PLCB4: variants seen among roughly 807,000 people sequenced by gnomAD.
PLCB4 encodes the protein 1-phosphatidylinositol 4,5-bisphosphate phosphodiesterase beta-4.
PLCB4 carries 77 observed loss-of-function variants against 178.8 expected under a neutral mutation model. The ratio of observed to expected loss-of-function variants is 0.43; its 90% CI spans 0.36 to 0.52. The LOEUF (loss-of-function observed/expected upper bound fraction) is 0.52. Among genes scored for constraint, PLCB4 ranks in the 20% least tolerant of loss-of-function variants. PLCB4 has a pLI of 0.00. For synonymous variants in PLCB4, 496 were observed against 490.8 expected (o/e 1.01, Z -0.14); for missense variants, 1,024 against 1,453.4 (o/e 0.70, Z 4.80).
At chr20:9,346,707 C>G (rs1452383013) in intron 7 of PLCB4, among the ~76,000 whole-genome samples, 1 of 152,164 alleles carries the variant, frequency 6.6e-6, no homozygotes, top group South Asian at 2.1e-4. Flanking sequence ...GAGTGCAGAG[C>G]TGTGAATCAG....
intron 2 of PLCB4, among the ~76,000 whole-genome samples, chr20:9,195,422 A>G (rs2093459615): frequency 6.6e-6 from 1 of 152,226 alleles, no homozygotes; most frequent in Admixed American, 6.5e-5. Flanking sequence ...TGTGTCTGTA[A>G]GGATGTTTCT....
chr20:9,347,156 G>A (rs554575095), intron 7 of PLCB4, among the ~76,000 whole-genome samples: 2 of 152,234 alleles, frequency 1.3e-5, no homozygotes, highest in Non-Finnish European at 2.9e-5. Flanking sequence ...AACATGTCAG[G>A]CAAAGACAAA....
intron 2 of PLCB4, among the ~76,000 whole-genome samples, chr20:9,116,386 A>G (rs568747447): frequency 1.3e-5 from 2 of 152,284 alleles, no homozygotes; most frequent in South Asian, 4.1e-4. Flanking sequence ...TTGTGCATGT[A>G]CATAGATACA....
chr20:9,140,656 T>C (rs2092470540), intron 2 of PLCB4, among the ~76,000 whole-genome samples: 1 of 151,872 alleles, frequency 6.6e-6, no homozygotes. Flanking sequence ...TGAGAGCTGG[T>C]GGTTTAAAAG....
At chr20:9,203,583 T>C (rs970753875) in intron 2 of PLCB4, among the ~76,000 whole-genome samples, 1 of 152,092 alleles carries the variant, frequency 6.6e-6, no homozygotes, top group Non-Finnish European at 1.5e-5. Flanking sequence ...TCACTCCAGG[T>C]TTCAGGAATG....
intron 25 of PLCB4, among the ~76,000 whole-genome samples, chr20:9,414,186 A>G (rs731177): frequency 0.034 from 5,204 of 152,354 alleles, 302 homozygotes; most frequent in African/African-American, 0.12. Flanking sequence ...TCACCAGAAA[A>G]GCTGAAAAAT....
intron 2 of PLCB4, among the ~76,000 whole-genome samples, chr20:9,115,141 TA>T (rs1362871309): frequency 6.6e-6 from 1 of 152,152 alleles, no homozygotes; most frequent in African/African-American, 2.4e-5. Context: ...TTTTAATAAG[TA>T]AACCTTATTC....
chr20:9,280,465 G>A, intron 3 of PLCB4: 8 of 984,066 alleles, frequency 8.1e-6, no homozygotes, highest in Non-Finnish European at 9.7e-6. Context: ...GAAGGGAAGG[G>A]AAAAAAAGGA....
At chr20:9,410,987 CTT>C in intron 24 of PLCB4, 48 bp from the exon 25 acceptor site, 1 of 1,397,940 alleles carries the variant, frequency 7.2e-7, no homozygotes. Flanking sequence ...CCGTCAGGGT[CTT>C]TTTTGTCTAG....
chr20:9,353,291 C>G (rs537339871), intron 7 of PLCB4, among the ~76,000 whole-genome samples: 14 of 152,286 alleles, frequency 9.2e-5, no homozygotes, highest in African/African-American at 3.4e-4. Flanking sequence ...AAAGTCTTCA[C>G]TGTCTTTTTT....
At chr20:9,153,498 C>A (rs1337970719) in intron 2 of PLCB4, among the ~76,000 whole-genome samples, 1 of 152,128 alleles carries the variant, frequency 6.6e-6, no homozygotes, top group Non-Finnish European at 1.5e-5. Context: ...TTGCTGCTGC[C>A]ATGTAAGAAG....
intron 2 of PLCB4, among the ~76,000 whole-genome samples, chr20:9,195,584 A>G (rs139307083): frequency 3.3e-5 from 5 of 152,142 alleles, no homozygotes; most frequent in Non-Finnish European, 7.3e-5. Flanking sequence ...TTAGACATCC[A>G]TCATCTCCTG....
At chr20:9,202,888 G>T (rs1375339154) in intron 2 of PLCB4, among the ~76,000 whole-genome samples, 1 of 151,680 alleles carries the variant, frequency 6.6e-6, no homozygotes, top group Non-Finnish European at 1.5e-5. Context: ...CAGCAGCTGT[G>T]TTCTGGGTCA....
intron 12 of PLCB4, among the ~76,000 whole-genome samples, chr20:9,375,351 A>G (rs1267665868): frequency 2.0e-5 from 3 of 152,190 alleles, no homozygotes; most frequent in African/African-American, 7.2e-5. Flanking sequence ...ATTGGAATGT[A>G]AGGGTCAATT....
intron 3 of PLCB4, among the ~76,000 whole-genome samples, chr20:9,230,945 T>C (rs1387602691): frequency 1.3e-5 from 2 of 152,170 alleles, no homozygotes; most frequent in Non-Finnish European, 2.9e-5. Flanking sequence ...CAAGGATTAT[T>C]TGACTGTCAA....
In PLCB4 at chr20:9,389,977, C is replaced by T. The variant is rs185814773; in HGVS notation, c.1238+19C>T. The T allele has an allele frequency of 6.0e-6, 8 of 1,323,782 alleles. No individual in the cohort carries two copies. In the Admixed American group the frequency reaches 1.0e-4, roughly 17 times the overall value. 82.0% of individuals were successfully genotyped at this position (1,323,782 alleles called of 1,614,324 possible). The stretch of plus-strand genomic sequence containing the variant: ...ACTGCAGGTATAATGATCCATTCTG[C>T]CACAAGTCTCTATGTGGTATTGTTT... On this transcript the variant is annotated intron_variant, in intron 16 of 39. Transcript: ENST00000378473.
intron 33 of PLCB4, among the ~76,000 whole-genome samples, chr20:9,453,767 T>G (rs569397270): frequency 3.3e-5 from 5 of 152,338 alleles, no homozygotes; most frequent in African/African-American, 1.2e-4. Context: ...AAAAAATACC[T>G]CTTTACTCTG....
At chr20:9,216,158 A>G (rs886946596) in intron 2 of PLCB4, among the ~76,000 whole-genome samples, 1 of 151,460 alleles carries the variant, frequency 6.6e-6, no homozygotes, top group Non-Finnish European at 1.5e-5. Context: ...CCATATGGAA[A>G]TGGGCTTCCC....
chr20:9,431,977 A>AT (rs1026925454), intron 28 of PLCB4, among the ~76,000 whole-genome samples: 2 of 152,190 alleles, frequency 1.3e-5, no homozygotes, highest in Non-Finnish European at 2.9e-5. Context: ...CAAAGAAATC[A>AT]TTTTTTGCAC....
Sources: gnomAD v4.1 joint callset for allele counts (sites outside exome capture counted in the v4.1 genomes callset) on GRCh38, gnomAD v4.1.1 for gene constraint, MANE v1.5 for transcripts, NCBI Gene and HGNC (gene_info 2026-07-23, HGNC 2026-07-21) for gene names.